GPR6: variants seen among roughly 807,000 people sequenced by gnomAD.
The protein encoded by GPR6 is sphingosine 1-phosphate receptor GPR6.
In GPR6, 14 loss-of-function variants were observed where a neutral mutation model predicts 18.5. The observed-to-expected ratio is 0.76, with a 90% CI of 0.50 to 1.18. The LOEUF (loss-of-function observed/expected upper bound fraction) is 1.18, where lower values mean the gene tolerates loss of function less well. Ranked by LOEUF, GPR6 falls within the 50% of genes most tolerant of loss-of-function variation. The pLI, the probability that GPR6 is intolerant of heterozygous loss-of-function variation, is 0.00. For synonymous variants in GPR6, 299 were observed against 240.9 expected, an observed-to-expected ratio of 1.24 and a Z score of -2.23; for missense variants, 477 against 495.9, an observed-to-expected ratio of 0.96 and a Z score of 0.36.
Position 109,979,970 on chromosome 6 carries a change from C to T in GPR6, c.858C>T (p.Gly286=). Residue 286 remains glycine, a synonymous_variant, in exon 2 of 2, where the codon GGC becomes GGT. Transcript: ENST00000275169. The stretch of plus-strand genomic sequence containing the variant: ...TGGGTACACTGGCTGTGGTGCTGGG[C>T]ACTTTCGGCGCCAGCTGGCTGCCCT... The part of the protein sequence containing the change: ...KGVGTLAVVL[G]TFGASWLPFA... The T allele has an allele frequency of 1.2e-6, 2 of 1,612,916 alleles. No individual in the cohort carries two copies. Among genetic ancestry groups the T allele is most frequent in the Non-Finnish European group, 1.7e-6 (2 of 1,180,040 alleles).
At position 109,979,651 on chromosome 6, in the gene GPR6, G is replaced by C. The variant is rs202180810; in HGVS notation, c.539G>C (p.Arg180Pro). Residue 180 changes from arginine to proline, a missense_variant, in exon 2 of 2, where the codon CGG becomes CCG. Physicochemically the swap from Arg to Pro is moderately radical, Grantham distance 103 (BLOSUM62 -2). Transcript: ENST00000275169. ...AACGCGCTCACCTATTACTCGCGCCGGACCCTGTTGGGCGTGCACCTCCTG... is the reference window on the plus strand; with the variant it reads ...AACGCGCTCACCTATTACTCGCGCCCGACCCTGTTGGGCGTGCACCTCCTG... ...LYNALTYYSRRTLLGVHLLLA... is the reference protein window; with the variant it reads ...LYNALTYYSRPTLLGVHLLLA... 8.1e-6 allele frequency: 13 copies of C among 1,611,798 alleles called. No individual in the cohort carries two copies. In the African/African-American group the frequency reaches 1.3e-4, roughly 17 times the overall value.
rs1771053853 is a variant in GPR6 at position 109,980,110 on chromosome 6, A to G, written c.998A>G (p.Asn333Ser). 6.2e-7 allele frequency: 1 copy of G among 1,614,102 alleles called. No homozygotes were observed. The highest frequency in any genetic ancestry group is 1.3e-5 in the African/African-American group (1 of 74,946). Residue 333 changes from asparagine (N) to serine (S), a missense_variant, in exon 2 of 2, where the codon AAC becomes AGC. Asn to Ser is a conservative substitution (Grantham distance 46). Coordinates refer to ENST00000275169, the MANE Select transcript of GPR6 (RefSeq NM_005284.5). ...AATCCCATCATCTATGCCTTCCGCA[A>G]CCAGGAGATCCAGCGCGCCCTGTGG... Reference protein sequence around the residue: ...MINPIIYAFRNQEIQRALWLL... With the variant: ...MINPIIYAFRSQEIQRALWLL...
chr6:109,978,628 C>G (rs1232561373), intron 1 of GPR6, 161 bp downstream of exon 1: 1 of 922,368 alleles, frequency 1.1e-6, no homozygotes, highest in Middle Eastern at 3.2e-4. Context: ...TCCCAGACCC[C>G]CTTCGCAGGG....
Position 109,979,568 on chromosome 6 carries a change from C to T in GPR6, c.456C>T (p.Phe152=), listed in dbSNP as rs988747805. 2.0e-5 allele frequency: 32 copies of T among 1,612,668 alleles called. No homozygotes were observed. Among genetic ancestry groups the T allele is most frequent in the Non-Finnish European group, 2.5e-5 (29 of 1,180,028 alleles). ...LLTVGFLVAS[F]AASVSSLLAI... ...CGGTGGGCTTCCTCGTGGCCTCCTT[C>T]GCCGCCTCTGTCAGCAGCCTGCTGG... Residue 152 remains phenylalanine (F), a synonymous_variant, in exon 2 of 2, where the codon TTC becomes TTT. Coordinates refer to ENST00000275169, the MANE Select transcript of GPR6 (RefSeq NM_005284.5).
chr6:109,980,324 G>A lies in GPR6; in HGVS notation c.*123G>A. The stretch of plus-strand genomic sequence containing the variant: ...TGAGTCTGACTTTGGAAAGAAAAAG[G>A]GACTAAAGAGAAATGTAACAAACTT... On this transcript the variant is annotated 3_prime_UTR_variant, in exon 2 of 2. Transcript: ENST00000275169. The A allele has an allele frequency of 1.4e-6, 2 of 1,380,494 alleles. No homozygotes were observed. The highest frequency in any genetic ancestry group is 2.3e-5 in the East Asian group (1 of 43,528). 85.5% of individuals were successfully genotyped at this position (1,380,494 alleles called of 1,614,324 possible).
chr6:109,980,634 G>T lies in GPR6; in HGVS notation c.*433G>T. ...AAAAGGGAGTAAAAGGTGTATTTTT[G>T]TCGTATGTGATAGAATATTTTGCTG... is the stretch of plus-strand genomic sequence containing the variant. On this transcript the variant is annotated 3_prime_UTR_variant, in exon 2 of 2. Transcript: ENST00000275169. 5.1e-6 allele frequency: 1 copy of T among 197,560 alleles called. No individual in the cohort carries two copies. Among genetic ancestry groups the T allele is most frequent in the Non-Finnish European group, 1.1e-5 (1 of 89,324 alleles). The allele number at this position is 197,560 out of a possible 1,614,324, so 12.2% of individuals were successfully genotyped here.
rs2114349571 is a variant in GPR6, at chr6:109,980,396, A to G, written c.*195A>G. 4.5e-6 allele frequency: 3 copies of G among 663,532 alleles called. No homozygotes were observed. The South Asian group carries it at 6.1e-5, about 14-fold the overall frequency. 41.1% of individuals were successfully genotyped at this position (663,532 alleles called of 1,614,324 possible). ...GGCACTTTACATATACAGTGTATAC[A>G]TGTGTACATATATATACAAATATTT... On this transcript the variant is annotated 3_prime_UTR_variant, in exon 2 of 2. Transcript: ENST00000275169.
intron 1 of GPR6, 198 bp downstream of exon 1, chr6:109,978,665 C>T: frequency 7.2e-7 from 1 of 1,392,896 alleles, no homozygotes; most frequent in Admixed American, 2.0e-5. Context: ...ACTCTCCAGG[C>T]TTCGCAATGC....
chr6:109,978,596 A>G (rs1583857257), intron 1 of GPR6, 129 bp downstream of exon 1: 2 of 665,032 alleles, frequency 3.0e-6, no homozygotes, highest in East Asian at 2.7e-5. Flanking sequence ...TGCTGCCCCC[A>G]TACACACACC....
At position 109,979,234 on chromosome 6, in the gene GPR6, C is replaced by T. The variant is rs1401632841; in HGVS notation, c.122C>T (p.Ala41Val). 7 of 1,607,414 alleles carry T rather than the reference C, an allele frequency of 4.4e-6. No individual in the cohort carries two copies. In the Admixed American group the frequency reaches 5.1e-5, roughly 12 times the overall value. Residue 41 changes from alanine to valine, a missense_variant, in exon 2 of 2, where the codon GCG becomes GTG. By Grantham distance (64) the Ala-to-Val change is moderately conservative. Transcript: ENST00000275169. ...ACGGGCGAATGGGGACCCCCTGCTG[C>T]GGCGGCTCTAGGAGCCGGCGGCGGA... Reference protein sequence around the residue: ...PDTGEWGPPAAAALGAGGGAN... With the variant: ...PDTGEWGPPAVAALGAGGGAN...
rs868527338 is a variant in GPR6 at position 109,978,991 on chromosome 6, G to A, written c.-18-104G>A. 1.0e-5 allele frequency: 16 copies of A among 1,538,796 alleles called. No homozygotes were observed. In the African/African-American group the frequency reaches 1.9e-4, roughly 18 times the overall value. ...ATTTGCTCTGGGGTCCCAGGGTGGGGTGGGCAACTCAAGTGGGGCAATGCG... is the reference window on the plus strand; with the variant it reads ...ATTTGCTCTGGGGTCCCAGGGTGGGATGGGCAACTCAAGTGGGGCAATGCG... On this transcript the variant is annotated intron_variant, in intron 1 of 1. Transcript: ENST00000275169.
rs1010994370 is a variant in GPR6, at chr6:109,978,785, C to A, written c.-18-310C>A. The A allele has an allele frequency of 2.0e-6, 3 of 1,535,624 alleles. No homozygotes were observed. The African/African-American group carries it at 4.1e-5, about 21-fold the overall frequency. On this transcript the variant is annotated intron_variant, in intron 1 of 1. Transcript: ENST00000275169. ...GCGGGACTCTCCCAGGATGACACTC[C>A]TAGCTTGGTGCACTCGGGTGCGTGT...
Position 109,980,099 on chromosome 6 carries a change from T to C in GPR6, c.987T>C (p.Tyr329=), listed in dbSNP as rs146165203. Residue 329 remains tyrosine (Y), a synonymous_variant, in exon 2 of 2, where the codon TAT becomes TAC. Coordinates refer to ENST00000275169, the MANE Select transcript of GPR6 (RefSeq NM_005284.5). ...ACTCCATGATCAATCCCATCATCTA[T>C]GCCTTCCGCAACCAGGAGATCCAGC... ...TYNSMINPII[Y]AFRNQEIQRA... is the part of the protein sequence containing the mutation. 47 of 1,614,234 alleles carry C rather than the reference T, an allele frequency of 2.9e-5. No individual in the cohort carries two copies. Among genetic ancestry groups the C allele is most frequent in the Non-Finnish European group, 4.0e-5 (47 of 1,180,028 alleles).
rs898785367 is a variant in GPR6 at position 109,979,780 on chromosome 6, C to T, written c.668C>T (p.Ala223Val). The part of the protein sequence containing the change: ...RAACSVVRPL[A>V]RSHVALLSAA... ...GCCTGCAGCGTGGTGCGCCCGCTGGCGCGCAGCCACGTGGCTCTGCTCTCC... is the reference window on the plus strand; with the variant it reads ...GCCTGCAGCGTGGTGCGCCCGCTGGTGCGCAGCCACGTGGCTCTGCTCTCC... The change falls in exon 2 of 2, where the codon GCG (alanine) becomes GTG (valine). Residue 223 changes from alanine (A) to valine (V), a missense_variant. Coordinates refer to ENST00000275169, the MANE Select transcript of GPR6 (RefSeq NM_005284.5). 6.3e-7 allele frequency: 1 copy of T among 1,598,084 alleles called. No individual in the cohort carries two copies. Among genetic ancestry groups the T allele is most frequent in the Admixed American group, 1.7e-5 (1 of 58,884 alleles).
At chr6:109,978,722 C>T in intron 1 of GPR6, 1 of 1,534,610 alleles carries the variant, frequency 6.5e-7, no homozygotes, top group Non-Finnish European at 8.7e-7. Context: ...TGCTGCCCAG[C>T]CCCATGGGGA....
rs1248912053 is a variant in GPR6, at chr6:109,979,412, T to G, written c.300T>G (p.Thr100=). The G allele has an allele frequency of 1.2e-6, 2 of 1,613,538 alleles. No individual in the cohort carries two copies. The part of the protein sequence containing the change: ...NALVVALIAS[T]PALRTPMFVL... ...TGGTGGTGGCGCTCATCGCGTCCACTCCGGCGCTGCGCACGCCCATGTTCG... is the reference window on the plus strand; with the variant it reads ...TGGTGGTGGCGCTCATCGCGTCCACGCCGGCGCTGCGCACGCCCATGTTCG... The change falls in exon 2 of 2, where the codon ACT becomes ACG. Residue 100 remains threonine (T), a synonymous_variant. Transcript: ENST00000275169.
chr6:109,980,161 C>A lies in GPR6; in HGVS notation c.1049C>A (p.Ser350Tyr), dbSNP rs748764859. Reference protein sequence around the residue: ...LWLLLCGCFQSKVPFRSRSPS... With the variant: ...LWLLLCGCFQYKVPFRSRSPS... ...CTCCTGCTCTGTGGCTGTTTCCAGT[C>A]CAAAGTGCCCTTTCGTTCCAGGTCT... Residue 350 changes from serine (S) to tyrosine (Y), a missense_variant, in exon 2 of 2, where the codon TCC becomes TAC. Coordinates refer to ENST00000275169, the MANE Select transcript of GPR6 (RefSeq NM_005284.5). The A allele has an allele frequency of 1.9e-5, 31 of 1,614,104 alleles. No homozygotes were observed. In the South Asian group the frequency reaches 3.1e-4, roughly 16 times the overall value.
chr6:109,980,086 A>G lies in GPR6; in HGVS notation c.974A>G (p.Asn325Ser). 6.2e-7 allele frequency: 1 copy of G among 1,614,144 alleles called. No homozygotes were observed. The highest frequency in any genetic ancestry group is 8.5e-7 in the Non-Finnish European group (1 of 1,180,020). The change falls in exon 2 of 2, where the codon AAT (asparagine) becomes AGT (serine). Residue 325 changes from asparagine (N) to serine (S), a missense_variant. Transcript: ENST00000275169. ...CCCGCCACCTACAACTCCATGATCA[A>G]TCCCATCATCTATGCCTTCCGCAAC... Reference protein sequence around the residue: ...LLPATYNSMINPIIYAFRNQE... With the variant: ...LLPATYNSMISPIIYAFRNQE...
At position 109,979,608 on chromosome 6, in the gene GPR6, C is replaced by G. The variant is rs752098850; in HGVS notation, c.496C>G (p.Arg166Gly). 1 of 1,612,662 alleles carries G rather than the reference C, an allele frequency of 6.2e-7. No homozygotes were observed. The highest frequency in any genetic ancestry group is 8.5e-7 in the Non-Finnish European group (1 of 1,180,012). ...VSSLLAITVD[R>G]YLSLYNALTY... Reference sequence around the variant, plus strand: ...CAGCCTGCTGGCCATTACGGTGGACCGCTACCTGTCCCTGTATAACGCGCT... The same window carrying G: ...CAGCCTGCTGGCCATTACGGTGGACGGCTACCTGTCCCTGTATAACGCGCT... The change falls in exon 2 of 2, where the codon CGC becomes GGC. Residue 166 changes from arginine to glycine, a missense_variant. Transcript: ENST00000275169.
Sources: allele counts gnomAD v4.1 joint callset, GRCh38; gene constraint gnomAD v4.1.1; transcripts MANE v1.5; gene names NCBI Gene and HGNC (gene_info 2026-07-23, HGNC 2026-07-21).